The following HAPLN1 variants were observed in gnomAD, a reference collection of about 807,000 sequenced individuals.
The protein encoded by HAPLN1 is Cartilage link protein.
In HAPLN1, 13 loss-of-function variants were observed where a neutral mutation model predicts 36.5. The observed-to-expected ratio is 0.36, with a 90% CI of 0.23 to 0.57. The LOEUF (loss-of-function observed/expected upper bound fraction) is 0.57. HAPLN1 is among the 20% of genes least tolerant of loss of function. HAPLN1 has a pLI of 0.83. For missense variants in HAPLN1, 407 were observed against 439.7 expected, an observed-to-expected ratio of 0.93 and a Z score of 0.66; for synonymous variants, 202 against 169.8, an observed-to-expected ratio of 1.19 and a Z score of -1.48.
At chr5:83,710,428 G>A (rs140270295) in intron 1 of HAPLN1, among the ~76,000 whole-genome samples, 2 of 152,116 alleles carry the variant, frequency 1.3e-5, no homozygotes, top group African/African-American at 4.8e-5. Context: ...CTGAAAAAAA[G>A]TAATTGTTGA....
At chr5:83,712,247 T>G (rs555149531) in intron 1 of HAPLN1, among the ~76,000 whole-genome samples, 61 of 152,276 alleles carry the variant, frequency 4.0e-4, no homozygotes, top group South Asian at 2.1e-4. Context: ...CTTTCAGGTA[T>G]TCTGCAGTTA....
chr5:83,650,396 A>G (rs1448504074), intron 3 of HAPLN1, among the ~76,000 whole-genome samples: 2 of 150,484 alleles, frequency 1.3e-5, no homozygotes, highest in East Asian at 3.9e-4. Context: ...TCATTAAATT[A>G]TTTGAGAATC....
chr5:83,667,659 A>C (rs1421195042), intron 2 of HAPLN1, among the ~76,000 whole-genome samples: 1 of 152,208 alleles, frequency 6.6e-6, no homozygotes, highest in Non-Finnish European at 1.5e-5. Flanking sequence ...AAATTAAGAC[A>C]GAGTAACATG....
chr5:83,686,670 T>G (rs1751135374), intron 1 of HAPLN1, among the ~76,000 whole-genome samples: 1 of 152,124 alleles, frequency 6.6e-6, no homozygotes, highest in Admixed American at 6.6e-5. Context: ...ACATATCTCA[T>G]CCCCTTCACT....
At chr5:83,642,602 G>T (rs1056819628) in intron 4 of HAPLN1, among the ~76,000 whole-genome samples, 3 of 152,160 alleles carry the variant, frequency 2.0e-5, no homozygotes, top group African/African-American at 7.2e-5. Context: ...CACATGGACT[G>T]AAGATTTTCT....
At chr5:83,692,249 G>C (rs181594558) in intron 1 of HAPLN1, among the ~76,000 whole-genome samples, 1 of 151,798 alleles carries the variant, frequency 6.6e-6, no homozygotes. Flanking sequence ...TTTCAAATTT[G>C]ATAAAAATTA....
intron 2 of HAPLN1, among the ~76,000 whole-genome samples, chr5:83,668,773 G>A (rs1750622283): frequency 6.6e-6 from 1 of 152,186 alleles, no homozygotes; most frequent in Admixed American, 6.5e-5. Context: ...TAGTTACAAA[G>A]CTGAGAGACA....
intron 4 of HAPLN1, among the ~76,000 whole-genome samples, chr5:83,642,745 C>G (rs1394560879): frequency 6.6e-6 from 1 of 152,146 alleles, no homozygotes; most frequent in Non-Finnish European, 1.5e-5. Flanking sequence ...TCTTTCTAGA[C>G]TGAGATGATG....
chr5:83,691,441 A>T lies in HAPLN1; in HGVS notation c.-26-17892T>A, dbSNP rs566047335. Among the ~76,000 whole-genome samples, 22 of 152,190 alleles carry T rather than the reference A, an allele frequency of 1.4e-4. No individual in the cohort carries two copies. In the South Asian group the frequency reaches 4.4e-3, roughly 30 times the overall value. Reference sequence around the variant, plus strand: ...AGCACTGGAATAGCACCTGTTTCCAACAGGCAGTCTAAAAAGCCTCATAAT... The same window carrying T: ...AGCACTGGAATAGCACCTGTTTCCATCAGGCAGTCTAAAAAGCCTCATAAT... On this transcript the variant is annotated intron_variant, in intron 1 of 4. Transcript: ENST00000274341.
intron 1 of HAPLN1, among the ~76,000 whole-genome samples, chr5:83,694,229 A>G (rs1461124477): frequency 6.6e-6 from 1 of 152,028 alleles, no homozygotes; most frequent in East Asian, 1.9e-4. Context: ...AGGGCTATTA[A>G]AATTATTTTA....
Position 83,678,220 on chromosome 5 carries a change from G to GTGTGTGT in HAPLN1, c.-26-4672_-26-4671insACACACA, listed in dbSNP as rs1554049527. ...CATTTTCCTTTTTATCTATAGTTTG[G>GTGTGTGT]GTGTGTGTGTGTGTGTGTGTGTGTG... On this transcript the variant is annotated intron_variant, in intron 1 of 4. Transcript: ENST00000274341. Among the ~76,000 whole-genome samples, 887 of 142,628 alleles carry GTGTGTGT rather than the reference G, an allele frequency of 6.2e-3. 6 individuals are homozygous for GTGTGTGT. The highest frequency in any genetic ancestry group is 7.3e-3 in the African/African-American group (289 of 39,346). The allele number at this position is 142,628 out of a possible 152,430, so 93.6% of individuals were successfully genotyped here.
At position 83,644,562 on chromosome 5, in the gene HAPLN1, G is replaced by A; in HGVS notation, c.576C>T (p.Asp192=). The stretch of plus-strand genomic sequence containing the variant: ...CGCCCCGCCAGGCGTCGTACAGCTG[G>A]TCGAAGGAGGCGATCACAGCATCCT... ...LDQDAVIASF[D]QLYDAWRGGL... is the part of the protein sequence containing the mutation. Residue 192 remains aspartate (D), a synonymous_variant, in exon 4 of 5, where the codon GAC becomes GAT. Transcript: ENST00000274341. 1 of 1,598,852 alleles carries A rather than the reference G, an allele frequency of 6.3e-7. No individual in the cohort carries two copies. The highest frequency in any genetic ancestry group is 8.5e-7 in the Non-Finnish European group (1 of 1,173,358).
chr5:83,712,577 T>G (rs565797203), intron 1 of HAPLN1, among the ~76,000 whole-genome samples: 3 of 152,156 alleles, frequency 2.0e-5, no homozygotes, highest in Admixed American at 6.5e-5. Flanking sequence ...TTTAATATAT[T>G]TATCTCGCTA....
At chr5:83,685,575 T>C (rs994557936) in intron 1 of HAPLN1, among the ~76,000 whole-genome samples, 1 of 152,228 alleles carries the variant, frequency 6.6e-6, no homozygotes, top group Non-Finnish European at 1.5e-5. Context: ...GACCCCGTGC[T>C]AATGTTACAA....
At chr5:83,657,944 T>C (rs368633598) in intron 2 of HAPLN1, among the ~76,000 whole-genome samples, 19 of 152,194 alleles carry the variant, frequency 1.2e-4, no homozygotes, top group East Asian at 5.8e-4. Flanking sequence ...AAAAAATTGC[T>C]ATTTTAACCA....
chr5:83,656,901 A>G (rs905901915), intron 2 of HAPLN1, among the ~76,000 whole-genome samples: 1 of 152,192 alleles, frequency 6.6e-6, no homozygotes, highest in Non-Finnish European at 1.5e-5. Context: ...TGAAATTTAG[A>G]TGAAGACTTT....
At chr5:83,704,032 A>C (rs1751572348) in intron 1 of HAPLN1, among the ~76,000 whole-genome samples, 1 of 151,992 alleles carries the variant, frequency 6.6e-6, no homozygotes, top group South Asian at 2.1e-4. Context: ...AGGGAAGCCC[A>C]TCAAACTAAC....
chr5:83,686,488 C>A (rs1751129443), intron 1 of HAPLN1, among the ~76,000 whole-genome samples: 1 of 152,100 alleles, frequency 6.6e-6, no homozygotes. Context: ...TATGTTCATT[C>A]TTATCTTAGT....
At chr5:83,696,546 A>G (rs527808983) in intron 1 of HAPLN1, among the ~76,000 whole-genome samples, 1 of 152,274 alleles carries the variant, frequency 6.6e-6, no homozygotes, top group East Asian at 1.9e-4. Flanking sequence ...AGTAATTAAG[A>G]GAGTATGGTA....
Sources: allele counts gnomAD v4.1 joint callset (sites outside exome capture counted in the v4.1 genomes callset), GRCh38; gene constraint gnomAD v4.1.1; transcripts MANE v1.5; gene names NCBI Gene and HGNC (gene_info 2026-07-23, HGNC 2026-07-21).